CSMD2: variants seen among roughly 807,000 people sequenced by gnomAD.
The protein encoded by CSMD2 is CUB and Sushi multiple domains 2, also known as CUB and sushi domain-containing protein 2.
A neutral mutation model predicts 398.5 loss-of-function variants in CSMD2; 130 were observed. The ratio of observed to expected loss-of-function variants is 0.33; its 90% CI spans 0.28 to 0.38. The LOEUF (loss-of-function observed/expected upper bound fraction) is 0.38. CSMD2 is among the 10% of genes least tolerant of loss of function. CSMD2 has a pLI of 1.00. For missense variants in CSMD2, 3,829 were observed against 4,764.9 expected (o/e 0.80, Z 5.78); for synonymous variants, 1,828 against 1,908.5 (o/e 0.96, Z 1.10).
At chr1:34,006,082 G>T (rs1570784136) in intron 3 of CSMD2, among the ~76,000 whole-genome samples, 1 of 152,126 alleles carries the variant, frequency 6.6e-6, no homozygotes, top group South Asian at 2.1e-4. Context: ...AAGTCCATTT[G>T]CCCTCACTAC....
chr1:33,982,001 T>C (rs1425386370), intron 3 of CSMD2, among the ~76,000 whole-genome samples: 2 of 152,120 alleles, frequency 1.3e-5, no homozygotes, highest in Non-Finnish European at 2.9e-5. Context: ...TGCTGATTTG[T>C]GCCGAGGGCA....
chr1:33,546,960 C>T (rs1026945747), intron 56 of CSMD2, among the ~76,000 whole-genome samples: 1 of 152,010 alleles, frequency 6.6e-6, no homozygotes, highest in Non-Finnish European at 1.5e-5. Context: ...TGTTTTGATG[C>T]ATGTATTGTA....
intron 29 of CSMD2, among the ~76,000 whole-genome samples, chr1:33,638,895 A>AT (rs896659177): frequency 2.6e-5 from 4 of 151,584 alleles, no homozygotes; most frequent in African/African-American, 9.7e-5. Flanking sequence ...TATTGACCTT[A>AT]TTTTTTTCTG....
chr1:33,746,312 G>C (rs534320622), intron 13 of CSMD2, among the ~76,000 whole-genome samples: 1 of 152,264 alleles, frequency 6.6e-6, no homozygotes, highest in South Asian at 2.1e-4. Context: ...AGGCAGAGGG[G>C]GCAAGTCACA....
intron 2 of CSMD2, among the ~76,000 whole-genome samples, chr1:34,064,887 G>A (rs1038596252): frequency 6.6e-6 from 1 of 152,120 alleles, no homozygotes; most frequent in Admixed American, 6.5e-5. Flanking sequence ...CTTACATGGT[G>A]GCAACAAGAG....
intron 2 of CSMD2, among the ~76,000 whole-genome samples, chr1:34,046,367 G>T (rs1415610839): frequency 6.6e-6 from 1 of 152,148 alleles, no homozygotes; most frequent in Non-Finnish European, 1.5e-5. Flanking sequence ...AGTTGTTGGG[G>T]TATAAATACT....
In CSMD2 at chr1:33,559,293, G is replaced by T; in HGVS notation, c.8554+7C>A. The T allele has an allele frequency of 6.5e-7, 1 of 1,534,418 alleles. No individual in the cohort carries two copies. The highest frequency in any genetic ancestry group is 1.2e-5 in the South Asian group (1 of 83,960). The stretch of plus-strand genomic sequence containing the variant: ...GGGACTGGATTGGGAGAGAAAGGGT[G>T]ACTCACTTCTGCAGGTGGGCAGCAT... On this transcript the variant is annotated splice_region_variant and intron_variant, in intron 54 of 70. Coordinates refer to ENST00000373381, the MANE Select transcript of CSMD2 (RefSeq NM_001281956.2). This position sits in a 1 kb window ranked among gnomAD's most constrained non-coding sequence, Gnocchi z 4.0.
intron 6 of CSMD2, among the ~76,000 whole-genome samples, chr1:33,836,561 G>T (rs1431907235): frequency 6.6e-6 from 1 of 152,178 alleles, no homozygotes; most frequent in African/African-American, 2.4e-5. Context: ...CCTCAGCAAT[G>T]GTGGGCACCC....
chr1:33,583,498 C>T, intron 47 of CSMD2, 144 bp downstream of exon 47: 1 of 790,518 alleles, frequency 1.3e-6, no homozygotes, highest in South Asian at 1.6e-5. Flanking sequence ...GGTCCCATGG[C>T]CTTGGGGTTG....
At chr1:33,970,302 C>T (rs1205092376) in intron 3 of CSMD2, among the ~76,000 whole-genome samples, 1 of 151,994 alleles carries the variant, frequency 6.6e-6, no homozygotes, top group Non-Finnish European at 1.5e-5. Flanking sequence ...AATAGCAGGC[C>T]CCATGTGGTG....
At chr1:33,895,575 C>T (rs1642328088) in intron 5 of CSMD2, among the ~76,000 whole-genome samples, 1 of 152,110 alleles carries the variant, frequency 6.6e-6, no homozygotes, top group South Asian at 2.1e-4. Context: ...CGGGTGGTGG[C>T]TGGGGAAGCG....
chr1:33,864,127 A>C, intron 5 of CSMD2: 7 of 1,453,186 alleles, frequency 4.8e-6, no homozygotes, highest in Non-Finnish European at 6.5e-6. Context: ...TTGCTCCTGG[A>C]GTGTGGGAAC....
At chr1:33,844,824 A>G (rs907650168) in intron 6 of CSMD2, among the ~76,000 whole-genome samples, 3 of 152,190 alleles carry the variant, frequency 2.0e-5, no homozygotes, top group African/African-American at 4.8e-5. Flanking sequence ...GGCGCACACT[A>G]ACATGCAAAA....
chr1:34,081,204 A>T (rs1353219229), intron 2 of CSMD2, among the ~76,000 whole-genome samples: 2 of 152,132 alleles, frequency 1.3e-5, no homozygotes, highest in Non-Finnish European at 2.9e-5. Flanking sequence ...AAAAAAATTC[A>T]CAAAGACCCA....
At chr1:33,815,572 C>T (rs1330022309) in intron 9 of CSMD2, among the ~76,000 whole-genome samples, 1 of 152,178 alleles carries the variant, frequency 6.6e-6, no homozygotes, top group Non-Finnish European at 1.5e-5. Flanking sequence ...GTACAATTTT[C>T]AAGTAGAAGT....
intron 9 of CSMD2, among the ~76,000 whole-genome samples, chr1:33,816,414 C>T (rs529197845): frequency 6.6e-6 from 1 of 152,174 alleles, no homozygotes; most frequent in East Asian, 1.9e-4. Flanking sequence ...CCTGGGGCCC[C>T]AGGGGTACCA....
intron 19 of CSMD2, among the ~76,000 whole-genome samples, chr1:33,722,853 T>C (rs572132481): frequency 7.2e-5 from 11 of 152,330 alleles, no homozygotes; most frequent in African/African-American, 2.4e-4. Context: ...TAGAGATTCA[T>C]GTTCCTCTAG....
intron 25 of CSMD2, among the ~76,000 whole-genome samples, chr1:33,691,628 T>G (rs1192113205): frequency 6.6e-6 from 1 of 152,322 alleles, no homozygotes; most frequent in Non-Finnish European, 1.5e-5. Flanking sequence ...CTCCTCACTA[T>G]TCCAAATCCT....
At chr1:33,927,687 G>A (rs1644172428) in intron 4 of CSMD2, among the ~76,000 whole-genome samples, 1 of 152,022 alleles carries the variant, frequency 6.6e-6, no homozygotes, top group Non-Finnish European at 1.5e-5. Flanking sequence ...CTATAATCCT[G>A]TTCCTGACAT....
Sources: allele counts gnomAD v4.1 joint callset (sites outside exome capture counted in the v4.1 genomes callset), GRCh38; gene constraint gnomAD v4.1.1; non-coding constraint Gnocchi (gnomAD v3.1); transcripts MANE v1.5; gene names NCBI Gene and HGNC (gene_info 2026-07-23, HGNC 2026-07-21).